The following ANKRD28 variants were observed in gnomAD, a reference collection of about 807,000 sequenced individuals.
ANKRD28 encodes the protein serine/threonine-protein phosphatase 6 regulatory ankyrin repeat subunit A.
ANKRD28 carries 44 observed loss-of-function variants against 126.5 expected under a neutral mutation model. The ratio of observed to expected loss-of-function variants is 0.35; its 90% CI spans 0.27 to 0.45. The LOEUF (loss-of-function observed/expected upper bound fraction) is 0.45, where lower values mean the gene tolerates loss of function less well. Among genes scored for constraint, ANKRD28 ranks in the 20% least tolerant of loss-of-function variants. ANKRD28 has a pLI of 1.00. For missense variants in ANKRD28, 1,110 were observed against 1,316.6 expected (o/e 0.84, Z 2.43); for synonymous variants, 442 against 468.5 (o/e 0.94, Z 0.73).
At chr3:15,807,155 A>G (rs531911264) in intron 1 of ANKRD28, among the ~76,000 whole-genome samples, 42 of 152,262 alleles carry the variant, frequency 2.8e-4, no homozygotes, top group African/African-American at 9.6e-4. Context: ...TATTAAACAC[A>G]TATTGTCATG....
At chr3:15,751,674 A>G in intron 4 of ANKRD28, 76 bp downstream of exon 4, 2 of 977,970 alleles carry the variant, frequency 2.0e-6, no homozygotes, top group African/African-American at 1.7e-5. Context: ...GAAAACATAG[A>G]ATTTGAATAT....
At chr3:15,808,669 C>T (rs2060641080) in intron 1 of ANKRD28, among the ~76,000 whole-genome samples, 1 of 152,112 alleles carries the variant, frequency 6.6e-6, no homozygotes. Flanking sequence ...AATTCTGATT[C>T]CTTTCTTACA....
intron 4 of ANKRD28, among the ~76,000 whole-genome samples, chr3:15,747,213 C>T (rs1472226803): frequency 6.8e-6 from 1 of 146,722 alleles, no homozygotes; most frequent in Non-Finnish European, 1.5e-5. Flanking sequence ...CTCTGATCTT[C>T]ATTATTTCTT....
chr3:15,796,847 T>C lies in ANKRD28; in HGVS notation c.-326A>G, dbSNP rs751911117. ...TAAAAATATTTTTCCTCTACCAAAA[T>C]AGTCTTATTGCTCTATCTCTGAAAT... On this transcript the variant is annotated 5_prime_UTR_variant, in exon 1 of 28. Transcript: ENST00000683139. The C allele has an allele frequency of 3.8e-4, 380 of 988,316 alleles. No individual in the cohort carries two copies. The highest frequency in any genetic ancestry group is 4.3e-4 in the Non-Finnish European group (359 of 831,682). The allele number at this position is 988,316 out of a possible 1,614,324, so 61.2% of individuals were successfully genotyped here. A position where few individuals can be genotyped will look rare whatever the true frequency, so the allele number is the denominator to read the frequency against.
chr3:15,703,130 ATATC>A (rs2070853658), intron 14 of ANKRD28, among the ~76,000 whole-genome samples: 1 of 152,192 alleles, frequency 6.6e-6, no homozygotes, highest in Non-Finnish European at 1.5e-5. Flanking sequence ...AAAGGCAAAT[ATATC>A]TTCTATATAC....
At chr3:15,684,658 G>A (rs2067902369) in intron 21 of ANKRD28, 1 of 152,790 alleles carries the variant, frequency 6.5e-6, no homozygotes, top group Non-Finnish European at 1.5e-5. Flanking sequence ...GTCTGATGTG[G>A]GAGGATTGCT....
Position 15,777,849 on chromosome 3 carries a change from TACACACAC to T in ANKRD28, c.202-11545_202-11538del, listed in dbSNP as rs569761948. Among the ~76,000 whole-genome samples, 957 of 106,172 alleles carry T rather than the reference TACACACAC, an allele frequency of 9.0e-3. 6 individuals carry two copies. The highest frequency in any genetic ancestry group is 0.018 in the South Asian group (48 of 2,718). 69.7% of individuals were successfully genotyped at this position (106,172 alleles called of 152,430 possible). A position where few individuals can be genotyped will look rare whatever the true frequency, so the allele number is the denominator to read the frequency against. On this transcript the variant is annotated intron_variant, in intron 2 of 27. Transcript: ENST00000683139. ...ACTGCTCCCATCACCAAAACCAAACTACACACACACACACACACACACACACACACACA... is the reference window on the plus strand; with the variant it reads ...ACTGCTCCCATCACCAAAACCAAACTACACACACACACACACACACACACA...
At chr3:15,740,180 G>A (rs530858198) in intron 4 of ANKRD28, among the ~76,000 whole-genome samples, 3 of 152,146 alleles carry the variant, frequency 2.0e-5, no homozygotes, top group Non-Finnish European at 4.4e-5. Flanking sequence ...TCTAGAATAC[G>A]GAAATTATGC....
chr3:15,692,532 TC>T (rs1559346726), intron 17 of ANKRD28, among the ~76,000 whole-genome samples: 1 of 152,186 alleles, frequency 6.6e-6, no homozygotes, highest in Admixed American at 6.5e-5. Context: ...ACAGGGCTTT[TC>T]CCCCCATGAT....
At chr3:15,724,591 A>G in intron 6 of ANKRD28, 67 bp from the exon 7 acceptor site, 1 of 1,415,542 alleles carries the variant, frequency 7.1e-7, no homozygotes, top group Non-Finnish European at 9.5e-7. Flanking sequence ...ATAATCCCAA[A>G]TATCTTTAAG....
At chr3:15,787,999 T>C (rs1450887759) in intron 2 of ANKRD28, among the ~76,000 whole-genome samples, 1 of 152,184 alleles carries the variant, frequency 6.6e-6, no homozygotes, top group Non-Finnish European at 1.5e-5. Flanking sequence ...ATATGCTACA[T>C]CTAAGATCTA....
chr3:15,706,539 A>G (rs557243160), intron 14 of ANKRD28, among the ~76,000 whole-genome samples: 1,640 of 152,214 alleles, frequency 0.011, 13 homozygotes, highest in Non-Finnish European at 0.015. Flanking sequence ...GAATAGTGTC[A>G]CAATAAACAT....
intron 18 of ANKRD28, 46 bp downstream of exon 18, chr3:15,689,973 T>C (rs2068597410): frequency 6.9e-7 from 1 of 1,453,858 alleles, no homozygotes; most frequent in Non-Finnish European, 9.2e-7. Flanking sequence ...TGAAAAAAAG[T>C]ATTGGATAGA....
intron 14 of ANKRD28, among the ~76,000 whole-genome samples, chr3:15,704,944 GCA>G (rs1366809192): frequency 6.6e-6 from 1 of 152,112 alleles, no homozygotes; most frequent in East Asian, 1.9e-4. Context: ...GCTAGATTAT[GCA>G]CAGTCTCATT....
rs1332997942 is a variant in ANKRD28 at position 15,796,461 on chromosome 3, A to G, written c.61T>C (p.Ser21Pro). 7.8e-7 allele frequency: 1 copy of G among 1,289,020 alleles called. No individual in the cohort carries two copies. The highest frequency in any genetic ancestry group is 1.2e-5 in the South Asian group (1 of 80,946). 79.8% of individuals were successfully genotyped at this position (1,289,020 alleles called of 1,614,324 possible). A position where few individuals can be genotyped will look rare whatever the true frequency, so the allele number is the denominator to read the frequency against. The change falls in exon 1 of 28, where the codon TCT becomes CCT. Residue 21 changes from serine (S) to proline (P), a missense_variant. Physicochemically the swap from Ser to Pro is moderately conservative, Grantham distance 74. Coordinates refer to ENST00000683139, the MANE Select transcript of ANKRD28 (RefSeq NM_001349278.2). ...EVEDESPAFI[S>P]KLPQENKSLH... ...GATTTATTTTCCTGTGGCAATTTAG[A>G]AATGAATGCAGGAGATTCATCTTCT...
rs544148799 is a variant in ANKRD28 at position 15,824,091 on chromosome 3, T to C, written c.28-28785A>G. Among the ~76,000 whole-genome samples the C allele has an allele frequency of 5.9e-5, 9 of 152,334 alleles. No homozygotes were observed. In the East Asian group the frequency reaches 7.7e-4, roughly 13 times the overall value. On this transcript the variant is annotated intron_variant, in intron 1 of 27. Coordinates refer to the ANKRD28 transcript ENST00000399451. ...AGGTAAGAAATAAAAGCCATTCAAA[T>C]TGGAAAGTCATAAAACAAACCAAAA...
rs999292147 is a variant in ANKRD28, at chr3:15,834,298, C to G, written c.27+25079G>C. On this transcript the variant is annotated intron_variant, in intron 1 of 27. Transcript: ENST00000399451. ...CATATAGCTATCCAATTTTCCCAGA[C>G]CCATTTACTGAATCGAGTGTCCTTT... Among the ~76,000 whole-genome samples the G allele has an allele frequency of 2.2e-4, 34 of 152,202 alleles. 5 individuals carry two copies. Among genetic ancestry groups the G allele is most frequent in the Admixed American group, 9.8e-4 (15 of 15,282 alleles).
chr3:15,708,073 T>A lies in ANKRD28; in HGVS notation c.1407-9A>T. The A allele has an allele frequency of 6.3e-7, 1 of 1,593,840 alleles. No individual in the cohort carries two copies. Among genetic ancestry groups the A allele is most frequent in the Non-Finnish European group, 8.5e-7 (1 of 1,169,622 alleles). The stretch of plus-strand genomic sequence containing the variant: ...CGTAGTGCAGTGGAGATCTTTTGGG[T>A]CCAAGTTAATACAAGAAAGATAAAA... On this transcript the variant is annotated splice_polypyrimidine_tract_variant and intron_variant, in intron 13 of 27. Transcript: ENST00000683139.
chr3:15,697,868 T>C (rs1038882234), intron 14 of ANKRD28, among the ~76,000 whole-genome samples: 3 of 152,214 alleles, frequency 2.0e-5, no homozygotes, highest in Admixed American at 2.0e-4. Context: ...TCCTGGACTT[T>C]TATTTGTTTG....
Sources: allele counts gnomAD v4.1 joint callset (sites outside exome capture counted in the v4.1 genomes callset), GRCh38; gene constraint gnomAD v4.1.1; transcripts MANE v1.5; gene names NCBI Gene and HGNC (gene_info 2026-07-23, HGNC 2026-07-21).